The following PATJ variants were observed in gnomAD, a reference collection of about 807,000 sequenced individuals.
PATJ encodes inaD-like protein.
PATJ carries 190 observed loss-of-function variants against 224.9 expected under a neutral mutation model. The ratio of observed to expected loss-of-function variants is 0.84; its 90% CI spans 0.75 to 0.95. PATJ has a LOEUF of 0.95. PATJ is among the 40% of genes least tolerant of loss of function. The probability of loss-of-function intolerance (pLI) is 0.00; values close to 1 mark genes in which losing one functional copy is unlikely to be tolerated. For synonymous variants in PATJ, 769 were observed against 820.3 expected, an observed-to-expected ratio of 0.94 and a Z score of 1.07; for missense variants, 2,121 against 2,270.3, an observed-to-expected ratio of 0.93 and a Z score of 1.34.
intron 33 of PATJ, among the ~76,000 whole-genome samples, chr1:62,093,791 T>G (rs1661063003): frequency 6.6e-6 from 1 of 152,194 alleles, no homozygotes; most frequent in Admixed American, 6.5e-5. Context: ...TACCATTTCC[T>G]TAAAATAAGT....
intron 27 of PATJ, among the ~76,000 whole-genome samples, chr1:61,936,956 C>T (rs769666771): frequency 6.6e-6 from 1 of 152,052 alleles, no homozygotes; most frequent in African/African-American, 2.4e-5. Context: ...ATAGCAATAA[C>T]TGTAAAAAAT....
At chr1:61,756,013 G>C (rs1367376313) in intron 1 of PATJ, among the ~76,000 whole-genome samples, 1 of 152,100 alleles carries the variant, frequency 6.6e-6, no homozygotes, top group Non-Finnish European at 1.5e-5. Context: ...TGTTGGTCTC[G>C]AACTCCTGAC....
intron 33 of PATJ, among the ~76,000 whole-genome samples, chr1:62,085,657 A>C (rs1408342910): frequency 6.6e-6 from 1 of 151,770 alleles, no homozygotes; most frequent in Non-Finnish European, 1.5e-5. Context: ...CTACAAAGAA[A>C]ATTTTTTTTA....
intron 31 of PATJ, among the ~76,000 whole-genome samples, chr1:62,070,436 C>T (rs1160210514): frequency 6.6e-6 from 1 of 152,172 alleles, no homozygotes; most frequent in African/African-American, 2.4e-5. Context: ...CTTTGATTCA[C>T]TCAGCACTAA....
rs1176804458 is a variant in PATJ, at chr1:61,927,750, G to A, written c.3591G>A (p.Pro1197=). Residue 1197 remains proline, a synonymous_variant, in exon 27 of 44, where the codon CCG becomes CCA. Transcript: ENST00000642238. ...TTCAGAGGCAAGGAACTGCTCCACCGCCAATGAAACTTCCTCCTCCTTATA... is the reference window on the plus strand; with the variant it reads ...TTCAGAGGCAAGGAACTGCTCCACCACCAATGAAACTTCCTCCTCCTTATA... ...KKEKRQGTAP[P]PMKLPPPYKA... is the part of the protein sequence containing the mutation. The A allele has an allele frequency of 5.0e-6, 8 of 1,612,836 alleles. No homozygotes were observed. Among genetic ancestry groups the A allele is most frequent in the Admixed American group, 1.7e-5 (1 of 59,852 alleles).
At chr1:61,907,839 TACTC>T (rs1672066312) in intron 24 of PATJ, among the ~76,000 whole-genome samples, 1 of 152,262 alleles carries the variant, frequency 6.6e-6, no homozygotes, top group South Asian at 2.1e-4. Context: ...TGTTTACACT[TACTC>T]AAATTTATTG....
At chr1:62,035,919 C>T (rs927155838) in intron 29 of PATJ, among the ~76,000 whole-genome samples, 2 of 151,886 alleles carry the variant, frequency 1.3e-5, no homozygotes, top group African/African-American at 2.4e-5. Flanking sequence ...GTAAATCAGC[C>T]AAAGTATTTG....
At chr1:61,804,606 C>T (rs866029382) in intron 12 of PATJ, among the ~76,000 whole-genome samples, 3 of 152,170 alleles carry the variant, frequency 2.0e-5, no homozygotes, top group Admixed American at 6.5e-5. Context: ...AGTTAAAAAA[C>T]GTAGAAGTTT....
At chr1:62,074,872 G>A (rs1658035163) in intron 31 of PATJ, among the ~76,000 whole-genome samples, 1 of 152,132 alleles carries the variant, frequency 6.6e-6, no homozygotes, top group African/African-American at 2.4e-5. Context: ...GCTGAGGCAG[G>A]AGAATCACTT....
At chr1:61,870,034 C>A (rs1280878381) in intron 20 of PATJ, among the ~76,000 whole-genome samples, 1 of 152,220 alleles carries the variant, frequency 6.6e-6, no homozygotes, top group Non-Finnish European at 1.5e-5. Context: ...GAGCCCTCTG[C>A]CTTTTCACGT....
At chr1:61,755,408 G>A (rs1211023290) in intron 1 of PATJ, among the ~76,000 whole-genome samples, 1 of 151,754 alleles carries the variant, frequency 6.6e-6, no homozygotes, top group Non-Finnish European at 1.5e-5. Flanking sequence ...TAAAACATAT[G>A]TTAGTATAGT....
intron 27 of PATJ, among the ~76,000 whole-genome samples, chr1:61,950,317 G>A (rs1051587172): frequency 2.0e-5 from 3 of 152,158 alleles, no homozygotes; most frequent in African/African-American, 7.2e-5. Context: ...TTACGTTGAG[G>A]AGGCTGAGAC....
At chr1:62,012,475 TC>T (rs1646510245) in intron 28 of PATJ, among the ~76,000 whole-genome samples, 1 of 152,222 alleles carries the variant, frequency 6.6e-6, no homozygotes, top group African/African-American at 2.4e-5. Flanking sequence ...TTCTTTTTTT[TC>T]TTTTTTTGCC....
At position 61,808,480 on chromosome 1, in the gene PATJ, A is replaced by T. The variant is rs1654025633; in HGVS notation, c.1633A>T (p.Thr545Ser). Residue 545 changes from threonine (T) to serine (S), a missense_variant, in exon 14 of 44, where the codon ACT becomes TCT. By Grantham distance (58) the Thr-to-Ser change is moderately conservative. Transcript: ENST00000642238. The part of the protein sequence containing the change: ...LGPDYEVMVA[T>S]LDTQIADDAE... ...ATTTTTTTTGTAAATTTAGGTTGCTACTTTGGACACACAGATTGCAGATGA... is the reference window on the plus strand; with the variant it reads ...ATTTTTTTTGTAAATTTAGGTTGCTTCTTTGGACACACAGATTGCAGATGA... 15 of 1,603,482 alleles carry T rather than the reference A, an allele frequency of 9.4e-6. No homozygotes were observed. Among genetic ancestry groups the T allele is most frequent in the Non-Finnish European group, 1.2e-5 (14 of 1,171,150 alleles).
chr1:61,826,854 G>A (rs1301629865), intron 15 of PATJ, among the ~76,000 whole-genome samples: 1 of 152,158 alleles, frequency 6.6e-6, no homozygotes, highest in Non-Finnish European at 1.5e-5. Flanking sequence ...TTCTAGGATG[G>A]TATTAAGAGT....
At chr1:61,972,113 G>T (rs1399752129) in intron 27 of PATJ, among the ~76,000 whole-genome samples, 2 of 151,990 alleles carry the variant, frequency 1.3e-5, no homozygotes, top group African/African-American at 2.4e-5. Flanking sequence ...GAATGTTTAT[G>T]TATACCTAAT....
intron 27 of PATJ, among the ~76,000 whole-genome samples, chr1:61,948,864 C>T (rs879603891): frequency 4.6e-5 from 7 of 152,048 alleles, no homozygotes; most frequent in African/African-American, 9.7e-5. Flanking sequence ...CACATATGCA[C>T]CATGGAATAC....
chr1:62,081,906 T>C (rs1490912267), intron 32 of PATJ, among the ~76,000 whole-genome samples: 1 of 152,208 alleles, frequency 6.6e-6, no homozygotes, highest in Non-Finnish European at 1.5e-5. Context: ...CATGAAAGTG[T>C]GCCACTATCG....
chr1:61,792,438 G>T (rs1227466810), intron 9 of PATJ, among the ~76,000 whole-genome samples: 3 of 152,190 alleles, frequency 2.0e-5, no homozygotes, highest in African/African-American at 7.2e-5. Context: ...AAGTGAAAGT[G>T]AATGACTGGT....
Sources: allele counts gnomAD v4.1 joint callset (sites outside exome capture counted in the v4.1 genomes callset), GRCh38; gene constraint gnomAD v4.1.1; transcripts MANE v1.5; gene names NCBI Gene and HGNC (gene_info 2026-07-23, HGNC 2026-07-21).